Variants in MTOR observed in about 807,000 individuals in gnomAD.
MTOR encodes the protein mechanistic target of rapamycin kinase.
In MTOR, 70 loss-of-function variants were observed where a neutral mutation model predicts 319.8. The ratio of observed to expected loss-of-function variants is 0.22; its 90% confidence interval spans 0.18 to 0.27. MTOR has a LOEUF of 0.27. Among genes scored for constraint, MTOR ranks in the 10% least tolerant of loss-of-function variants. The pLI, the probability that MTOR is intolerant of heterozygous loss-of-function variation, is 1.00. For missense variants in MTOR, 1,890 were observed against 3,274.4 expected (o/e 0.58, Z 10.32); for synonymous variants, 1,183 against 1,211.4 (o/e 0.98, Z 0.49).
chr1:11,135,717 C>T (rs757224667), intron 36 of MTOR, among the ~76,000 whole-genome samples: 1 of 151,456 alleles, frequency 6.6e-6, no homozygotes, highest in Non-Finnish European at 1.5e-5. Flanking sequence ...CCTGTAATCC[C>T]AGCTATTTGG....
chr1:11,190,023 C>T, intron 28 of MTOR: 1 of 1,528,204 alleles, frequency 6.5e-7, no homozygotes, highest in South Asian at 1.3e-5. Context: ...TCTACATATC[C>T]TGGTCATCAG....
At position 11,167,439 on chromosome 1, in the gene MTOR, T is replaced by C; in HGVS notation, c.4329+3A>G. ...GCTTTTCCAAAAAGAATGAGGTGCTTACCAGCTCTCCAAAGTGTTTCATGG... is the reference window on the plus strand; with the variant it reads ...GCTTTTCCAAAAAGAATGAGGTGCTCACCAGCTCTCCAAAGTGTTTCATGG... On this transcript the variant is annotated splice_donor_region_variant and intron_variant, in intron 29 of 57. Coordinates refer to ENST00000361445, the MANE Select transcript of MTOR (RefSeq NM_004958.4). 1.9e-6 allele frequency: 3 copies of C among 1,612,970 alleles called. No individual in the cohort carries two copies. Among genetic ancestry groups the C allele is most frequent in the Non-Finnish European group, 2.5e-6 (3 of 1,179,166 alleles).
At chr1:11,120,126 G>A (rs957525994) in intron 49 of MTOR, among the ~76,000 whole-genome samples, 5 of 151,730 alleles carry the variant, frequency 3.3e-5, no homozygotes, top group African/African-American at 1.2e-4. Context: ...CACCCAGGAC[G>A]GAGTGCAGTG....
intron 29 of MTOR, among the ~76,000 whole-genome samples, chr1:11,163,131 C>T (rs1644531581): frequency 6.6e-6 from 1 of 152,072 alleles, no homozygotes; most frequent in Admixed American, 6.6e-5. Flanking sequence ...GCAGGGGTTG[C>T]AATCCTAGTC....
chr1:11,194,412 T>C (rs751198206), intron 28 of MTOR: 3 of 1,579,422 alleles, frequency 1.9e-6, no homozygotes, highest in Admixed American at 1.7e-5. Flanking sequence ...AGAGACAGCA[T>C]GAAATGGAGC....
chr1:11,169,752 T>A (rs978187083), intron 28 of MTOR, among the ~76,000 whole-genome samples: 9 of 152,250 alleles, frequency 5.9e-5, no homozygotes, highest in African/African-American at 2.2e-4. Flanking sequence ...CTTTTTTGAA[T>A]GTAAATTCCT....
chr1:11,107,575 T>C, intron 57 of MTOR, 75 bp from the exon 58 acceptor site: 1 of 1,543,976 alleles, frequency 6.5e-7, no homozygotes, highest in Non-Finnish European at 8.8e-7. Context: ...AACTTGAAAA[T>C]GAAAAGGCCA....
Position 11,127,145 on chromosome 1 carries a change from C to T in MTOR, c.6217-1G>A. The T allele has an allele frequency of 6.2e-7, 1 of 1,613,756 alleles. No individual in the cohort carries two copies. The highest frequency in any genetic ancestry group is 8.5e-7 in the Non-Finnish European group (1 of 1,179,946). The stretch of plus-strand genomic sequence containing the variant: ...CCTCCATTAAATCTCGACCATAGGC[C>T]TGAGAGAGAAAGCAGGCACGTTTTC... On this transcript the variant is annotated splice_acceptor_variant, in intron 44 of 57. Transcript: ENST00000361445. LOFTEE classifies it high-confidence loss of function. The surrounding 1 kb of genome is among the most constrained non-coding windows in gnomAD (Gnocchi z 5.5).
intron 28 of MTOR, chr1:11,194,656 A>G: frequency 6.2e-7 from 1 of 1,614,214 alleles, no homozygotes; most frequent in South Asian, 1.1e-5. Context: ...ACAGCTCCGC[A>G]AAGGTGAGAT....
intron 34 of MTOR, among the ~76,000 whole-genome samples, chr1:11,141,841 TAAA>T (rs901174663): frequency 1.4e-5 from 2 of 145,978 alleles, no homozygotes; most frequent in Non-Finnish European, 3.0e-5. Flanking sequence ...AAAAAAATAA[TAAA>T]AAAAAAATTA....
intron 38 of MTOR, 181 bp downstream of exon 38, chr1:11,132,899 A>C: frequency 1.6e-6 from 1 of 609,992 alleles, no homozygotes; most frequent in African/African-American, 1.8e-5. Flanking sequence ...TTCTGTATTA[A>C]TTAAACTTGT....
At position 11,237,990 on chromosome 1, in the gene MTOR, C is replaced by A. The variant is rs753760341; in HGVS notation, c.2061G>T (p.Leu687=). ...AGGCCTGCAAGTTCTCCGCCTGGGC[C>A]AGGTGTGCATCAAAGCGCTCGTCCA... The part of the protein sequence containing the change: ...ASLDERFDAH[L]AQAENLQALF... The change falls in exon 13 of 58, where the codon CTG becomes CTT. Residue 687 remains leucine, a synonymous_variant. Transcript: ENST00000361445. The A allele has an allele frequency of 1.2e-6, 2 of 1,614,220 alleles. No homozygotes were observed. The highest frequency in any genetic ancestry group is 1.7e-6 in the Non-Finnish European group (2 of 1,180,040).
chr1:11,203,067 G>A (rs1219499682), intron 26 of MTOR, among the ~76,000 whole-genome samples: 1 of 151,592 alleles, frequency 6.6e-6, no homozygotes, highest in African/African-American at 2.4e-5. Context: ...ACAAAAAATA[G>A]CCGGGCGTGG....
chr1:11,145,246 T>G, intron 32 of MTOR: 1 of 585,016 alleles, frequency 1.7e-6, no homozygotes, highest in Non-Finnish European at 3.0e-6. Flanking sequence ...AAGACAGAAA[T>G]GTATGGCATC....
At chr1:11,183,041 T>A (rs1645209301) in intron 28 of MTOR, among the ~76,000 whole-genome samples, 1 of 152,242 alleles carries the variant, frequency 6.6e-6, no homozygotes, top group Non-Finnish European at 1.5e-5. Context: ...ACTGACAGAT[T>A]GTTTTCCAAA....
At chr1:11,116,138 G>A (rs1299825977) in intron 50 of MTOR, among the ~76,000 whole-genome samples, 6 of 152,128 alleles carry the variant, frequency 3.9e-5, no homozygotes, top group African/African-American at 4.8e-5. Flanking sequence ...TTGTGAGTCC[G>A]TTTCTGAACA....
intron 28 of MTOR, among the ~76,000 whole-genome samples, chr1:11,184,228 C>T (rs1348459654): frequency 6.6e-6 from 1 of 152,148 alleles, no homozygotes; most frequent in African/African-American, 2.4e-5. Flanking sequence ...GGTTGGCAAA[C>T]TCAGAGAAGT....
At chr1:11,252,524 G>A (rs1243613591) in intron 6 of MTOR, among the ~76,000 whole-genome samples, 1 of 152,052 alleles carries the variant, frequency 6.6e-6, no homozygotes, top group East Asian at 1.9e-4. Context: ...CCGCACAAGA[G>A]CCCAATGAGG....
At chr1:11,237,104 T>C (rs1050671596) in intron 13 of MTOR, among the ~76,000 whole-genome samples, 3 of 152,060 alleles carry the variant, frequency 2.0e-5, no homozygotes, top group Non-Finnish European at 4.4e-5. Context: ...TGAAGGAGGA[T>C]CAGGAAGCAA....
Sources: gnomAD v4.1 joint callset for allele counts (sites outside exome capture counted in the v4.1 genomes callset) on GRCh38, gnomAD v4.1.1 for gene constraint, Gnocchi (gnomAD v3.1) non-coding constraint, MANE v1.5 for transcripts, NCBI Gene and HGNC (gene_info 2026-07-23, HGNC 2026-07-21) for gene names.